Variants in COL4A5 observed in about 807,000 individuals in gnomAD.
COL4A5 encodes the protein collagen alpha-5(IV) chain.
Under a neutral mutation model 130.2 loss-of-function variants are expected in COL4A5, and 26 were observed. That is an observed-to-expected ratio of 0.20 (90% CI 0.15 to 0.28). COL4A5 has a LOEUF of 0.28. Among genes scored for constraint, COL4A5 ranks in the 10% least tolerant of loss-of-function variants. COL4A5 has a pLI of 1.00. For synonymous variants in COL4A5, 496 were observed against 439.6 expected (o/e 1.13, Z -1.60); for missense variants, 1,131 against 1,344.3 (o/e 0.84, Z 2.48).
At chrX:108,679,954 C>A (rs183308151) in intron 44 of COL4A5, among the ~76,000 whole-genome samples, 1 of 112,092 alleles carries the variant, frequency 8.9e-6, no homozygotes, top group African/African-American at 3.2e-5. Context: ...AAAAAGTAAT[C>A]TGCGGATTGG....
chrX:108,470,919 TG>T (rs1286195743), intron 1 of COL4A5, among the ~76,000 whole-genome samples: 1 of 111,726 alleles, frequency 9.0e-6, no homozygotes, highest in African/African-American at 3.3e-5. Context: ...TCCCATTACT[TG>T]TTATTGCTGA....
intron 2 of COL4A5, among the ~76,000 whole-genome samples, chrX:108,543,840 A>G (rs1487609136): frequency 9.0e-6 from 1 of 111,406 alleles, no homozygotes. Flanking sequence ...TGTAAGTTGG[A>G]TTCCTAGGTG....
intron 2 of COL4A5, among the ~76,000 whole-genome samples, chrX:108,554,757 G>A (rs751883305): frequency 2.7e-5 from 3 of 110,969 alleles, no homozygotes; most frequent in Non-Finnish European, 5.7e-5. Flanking sequence ...GCTACTCAGG[G>A]AGGCTGAGCT....
At chrX:108,681,218 C>G (rs891644518) in intron 46 of COL4A5, among the ~76,000 whole-genome samples, 1 of 111,230 alleles carries the variant, frequency 9.0e-6, no homozygotes, top group African/African-American at 3.3e-5. Context: ...ATACTAACTT[C>G]CCCAAATTCA....
rs772348542 is a variant in COL4A5 at position 108,595,582 on chromosome X, A to G, written c.1497A>G (p.Pro499=). The change falls in exon 22 of 53, where the codon CCA becomes CCG. Residue 499 remains proline (P), a synonymous_variant. Coordinates refer to ENST00000328300, the MANE Select transcript of COL4A5 (RefSeq NM_033380.3). ...GGCCTCCAGGTCAACCTGGTTTGCCAGGTCTCCCAGGTCCTCCAGGTAAAT... is the reference window on the plus strand; with the variant it reads ...GGCCTCCAGGTCAACCTGGTTTGCCGGGTCTCCCAGGTCCTCCAGGTAAAT... ...ISGPPGQPGL[P]GLPGPPGSLG... 47 of 1,209,625 alleles carry G rather than the reference A, an allele frequency of 3.9e-5. No individual in the cohort carries two copies. The South Asian group carries it at 7.6e-4, about 19-fold the overall frequency.
At chrX:108,677,331 C>G (rs1399294767) in intron 43 of COL4A5, among the ~76,000 whole-genome samples, 169 bp from the exon 44 acceptor site, 2 of 111,584 alleles carry the variant, frequency 1.8e-5, no homozygotes, top group Non-Finnish European at 3.8e-5. Flanking sequence ...CAAAAAGAAT[C>G]CAGTTCAATT....
At chrX:108,646,070 A>G (rs1216610602) in intron 36 of COL4A5, among the ~76,000 whole-genome samples, 1 of 8,184 alleles carries the variant, frequency 1.2e-4, no homozygotes, top group Non-Finnish European at 1.9e-4. Flanking sequence ...TAGCAGCATG[A>G]TTTATAATCC....
At chrX:108,473,613 G>GTATATA (rs1230922272) in intron 1 of COL4A5, among the ~76,000 whole-genome samples, 21 of 46,078 alleles carry the variant, frequency 4.6e-4, no homozygotes, top group African/African-American at 1.5e-3. Context: ...ATATATATAT[G>GTATATA]TATATATATA....
chrX:108,635,223 A>G (rs1206946477), intron 36 of COL4A5, among the ~76,000 whole-genome samples: 1 of 111,022 alleles, frequency 9.0e-6, no homozygotes, highest in Non-Finnish European at 1.9e-5. Flanking sequence ...AAAAAGTGGG[A>G]GAAAAAAAAT....
At chrX:108,504,336 T>C (rs1053841222) in intron 1 of COL4A5, among the ~76,000 whole-genome samples, 1 of 111,581 alleles carries the variant, frequency 9.0e-6, no homozygotes, top group Non-Finnish European at 1.9e-5. Context: ...GCAAATAATT[T>C]ATGACTCAGA....
intron 31 of COL4A5, among the ~76,000 whole-genome samples, chrX:108,621,017 T>TC (rs2067031534): frequency 9.0e-6 from 1 of 110,821 alleles, no homozygotes; most frequent in African/African-American, 3.3e-5. Context: ...TCTCTCCCTT[T>TC]TTTTCTTTCT....
chrX:108,577,372 C>CAAAAAAAAAAAAAAAAAAAAA (rs746311921), intron 10 of COL4A5, among the ~76,000 whole-genome samples: 4 of 29,911 alleles, frequency 1.3e-4, no homozygotes, highest in Admixed American at 4.6e-4. Flanking sequence ...AACTCCTTCT[C>CAAAAAAAAAAAAAAAAAAAAA]AAAAAAAAAA....
chrX:108,487,405 A>G (rs766989972), intron 1 of COL4A5, among the ~76,000 whole-genome samples: 45 of 102,623 alleles, frequency 4.4e-4, no homozygotes, highest in Middle Eastern at 4.7e-3. Flanking sequence ...AAAAAAAAAA[A>G]AAGAAGAAAA....
chrX:108,487,113 T>A (rs1420660550), intron 1 of COL4A5, among the ~76,000 whole-genome samples: 3 of 111,080 alleles, frequency 2.7e-5, no homozygotes, highest in Non-Finnish European at 5.7e-5. Flanking sequence ...CCTTTTCAGC[T>A]GGGTGTGGTG....
In COL4A5 at chrX:108,457,160, G is replaced by A. The variant is rs747999671; in HGVS notation, c.81+16954G>A. On this transcript the variant is annotated intron_variant, in intron 1 of 52. Coordinates refer to ENST00000328300, the MANE Select transcript of COL4A5 (RefSeq NM_033380.3). ...CGTTTGCTCCCACTTCCTCTGCTGT[G>A]AATATTTGTAAACAAGTCTTTGGGT... 6.3e-4 allele frequency among the ~76,000 whole-genome samples: 71 copies of A among 112,183 alleles called. 4 individuals are homozygous for A. The highest frequency in any genetic ancestry group is 1.9e-4 in the Non-Finnish European group (10 of 53,255).
At position 108,626,307 on chromosome X, in the gene COL4A5, T is replaced by A; in HGVS notation, c.3204T>A (p.Pro1068=). ...LPGQKGDKGD[P]GISSIGLPGL... ...GACAGAAAGGCGACAAAGGTGATCC[T>A]GGTATTTCAAGCATTGGTCTTCCAG... The change falls in exon 36 of 53, where the codon CCT becomes CCA. Residue 1068 remains proline, a synonymous_variant. Coordinates refer to ENST00000328300, the MANE Select transcript of COL4A5 (RefSeq NM_033380.3). The A allele has an allele frequency of 8.3e-7, 1 of 1,211,300 alleles. No homozygotes were observed. Among genetic ancestry groups the A allele is most frequent in the South Asian group, 1.8e-5 (1 of 56,979 alleles).
At chrX:108,506,348 CTATCT>C (rs1157333892) in intron 1 of COL4A5, among the ~76,000 whole-genome samples, 17 of 54,624 alleles carry the variant, frequency 3.1e-4, no homozygotes, top group African/African-American at 5.7e-5. Flanking sequence ...TATCATCTAT[CTATCT>C]ATCTATCTAT....
chrX:108,667,152 C>T lies in COL4A5; in HGVS notation c.3573C>T (p.Asn1191=), dbSNP rs754742411. ...TGACAGGTCAACCAGGCTTTGGAAACCCAGGACCCCCTGGACTTCCAGGAC... is the reference window on the plus strand; with the variant it reads ...TGACAGGTCAACCAGGCTTTGGAAATCCAGGACCCCCTGGACTTCCAGGAC... The part of the protein sequence containing the change: ...KGEPGQPGFG[N]PGPPGLPGLS... The change falls in exon 40 of 53, where the codon AAC becomes AAT. Residue 1191 remains asparagine (N), a synonymous_variant. Coordinates refer to ENST00000328300, the MANE Select transcript of COL4A5 (RefSeq NM_033380.3). 8.3e-7 allele frequency: 1 copy of T among 1,210,432 alleles called. No individual in the cohort carries two copies. Among genetic ancestry groups the T allele is most frequent in the Non-Finnish European group, 1.1e-6 (1 of 894,419 alleles).
At chrX:108,602,935 T>C (rs1462225381) in intron 27 of COL4A5, 29 bp from the exon 28 acceptor site, 1 of 1,023,935 alleles carries the variant, frequency 9.8e-7, no homozygotes, top group Admixed American at 2.5e-5. Flanking sequence ...TTTCCTTTGG[T>C]GGTTAAAAAA....
Sources: allele counts gnomAD v4.1 joint callset (sites outside exome capture counted in the v4.1 genomes callset), GRCh38; gene constraint gnomAD v4.1.1; transcripts MANE v1.5; gene names NCBI Gene and HGNC (gene_info 2026-07-23, HGNC 2026-07-21).